The following UROS variants were observed in gnomAD, a reference collection of about 807,000 sequenced individuals.
The protein encoded by UROS is uroporphyrinogen-III synthase.
Under a neutral mutation model 33.0 loss-of-function variants are expected in UROS, and 18 were observed. The observed-to-expected ratio is 0.55, with a 90% CI of 0.38 to 0.81. The LOEUF (loss-of-function observed/expected upper bound fraction) is 0.81, where lower values mean the gene tolerates loss of function less well. UROS is among the 30% of genes least tolerant of loss of function. UROS has a pLI of 0.00. For synonymous variants in UROS, 114 were observed against 121.1 expected, an observed-to-expected ratio of 0.94 and a Z score of 0.38; for missense variants, 293 against 314.9, an observed-to-expected ratio of 0.93 and a Z score of 0.53.
chr10:125,802,411 C>A (rs541806863), intron 6 of UROS: 4 of 985,694 alleles, frequency 4.1e-6, no homozygotes, highest in Middle Eastern at 5.2e-4. Context: ...AAGAAAATGA[C>A]CCCCAGCAAT....
Position 125,807,394 on chromosome 10 carries a change from G to A in UROS, c.394+19C>T. 1 of 1,608,852 alleles carries A rather than the reference G, an allele frequency of 6.2e-7. No individual in the cohort carries two copies. Among genetic ancestry groups the A allele is most frequent in the South Asian group, 1.1e-5 (1 of 90,992 alleles). ...CAAAAAATAAATGGCTTCATTTGGA[G>A]TGATGTTTTTCTACTTACTGGAACA... On this transcript the variant is annotated intron_variant, in intron 6 of 9. Transcript: ENST00000368797.
chr10:125,807,594 CAT>C, intron 5 of UROS, 107 bp from the exon 6 acceptor site: 3 of 841,950 alleles, frequency 3.6e-6, no homozygotes, highest in Non-Finnish European at 6.0e-6. Context: ...TTACAAATCA[CAT>C]AGAGGATGTC....
chr10:125,807,902 G>A (rs1039148263), intron 5 of UROS, among the ~76,000 whole-genome samples: 12 of 152,144 alleles, frequency 7.9e-5, no homozygotes, highest in African/African-American at 1.7e-4. Context: ...TGCAGGAATC[G>A]GCATTACAGA....
intron 4 of UROS, among the ~76,000 whole-genome samples, chr10:125,814,692 G>A (rs1160090697): frequency 3.9e-5 from 6 of 152,200 alleles, no homozygotes; most frequent in Non-Finnish European, 5.9e-5. Flanking sequence ...CTAAGTGCCT[G>A]ACATGGTGGC....
intron 1 of UROS, among the ~76,000 whole-genome samples, chr10:125,818,517 A>C (rs1853562360): frequency 6.6e-6 from 1 of 151,348 alleles, no homozygotes; most frequent in South Asian, 2.1e-4. Flanking sequence ...TAATAATAAT[A>C]TAAAATTAAA....
chr10:125,816,150 A>G (rs528277170), intron 3 of UROS, 27 bp downstream of exon 3: 3 of 1,600,036 alleles, frequency 1.9e-6, no homozygotes, highest in East Asian at 2.2e-5. Flanking sequence ...AAACACTAAC[A>G]TGGTGCTCAG....
chr10:125,798,078 C>T lies in UROS; in HGVS notation c.462G>A (p.Ala154=), dbSNP rs149067145. 9.5e-5 allele frequency: 154 copies of T among 1,613,998 alleles called. 3 individuals are homozygous for T. In the South Asian group the frequency reaches 1.2e-3, roughly 12 times the overall value. Residue 154 remains alanine (A), a synonymous_variant, in exon 7 of 10, where the codon GCG becomes GCA. Coordinates refer to ENST00000368797, the MANE Select transcript of UROS (RefSeq NM_000375.3). ...GNLKREILPK[A]LKDKGIAMES... is the part of the protein sequence containing the mutation. ...CATTCTACTCGCCTTTGTCCTTGAG[C>T]GCTTTTGGCAGGATTTCTCTTTTGA...
intron 7 of UROS, among the ~76,000 whole-genome samples, chr10:125,797,366 T>G (rs1335271697): frequency 6.6e-6 from 1 of 152,220 alleles, no homozygotes; most frequent in Non-Finnish European, 1.5e-5. Context: ...GATAACCATA[T>G]TTCACAGATA....
chr10:125,817,905 A>G (rs1037090189), intron 1 of UROS, among the ~76,000 whole-genome samples: 14 of 152,372 alleles, frequency 9.2e-5, no homozygotes, highest in African/African-American at 3.4e-4. Context: ...GTATCACTGT[A>G]GTACAAAGTG....
chr10:125,798,969 A>C (rs1851590125), intron 6 of UROS, among the ~76,000 whole-genome samples: 1 of 152,176 alleles, frequency 6.6e-6, no homozygotes, highest in Non-Finnish European at 1.5e-5. Flanking sequence ...TACCCCCCAC[A>C]TCCATCCGTA....
intron 7 of UROS, chr10:125,796,699 C>T: frequency 7.2e-6 from 6 of 838,134 alleles, no homozygotes; most frequent in Non-Finnish European, 8.6e-6. Context: ...GTGGACTTTC[C>T]CACATTCCTC....
At chr10:125,797,354 C>T (rs1243357320) in intron 7 of UROS, among the ~76,000 whole-genome samples, 1 of 152,188 alleles carries the variant, frequency 6.6e-6, no homozygotes, top group Non-Finnish European at 1.5e-5. Context: ...TGGTTATGTA[C>T]AGATAACCAT....
At position 125,796,083 on chromosome 10, in the gene UROS, C is replaced by T. The variant is rs542218442; in HGVS notation, c.561+20G>A. Reference sequence around the variant, plus strand: ...ACCTGGGCACCCACCCTGCCAGAACCGCCCCCAAACGCCACGTACCTGCTG... The same window carrying T: ...ACCTGGGCACCCACCCTGCCAGAACTGCCCCCAAACGCCACGTACCTGCTG... On this transcript the variant is annotated intron_variant, in intron 8 of 9. Transcript: ENST00000368797. 16 of 1,613,456 alleles carry T rather than the reference C, an allele frequency of 9.9e-6. No homozygotes were observed. The East Asian group carries it at 1.3e-4, about 13-fold the overall frequency.
intron 9 of UROS, chr10:125,792,645 A>G (rs1029716765): frequency 6.6e-5 from 10 of 152,232 alleles, no homozygotes; most frequent in Non-Finnish European, 1.5e-4. Context: ...AAGTCAATGG[A>G]TAAGTAGCAA....
At chr10:125,815,162 T>C (rs377210364) in intron 3 of UROS, 32 bp from the exon 4 acceptor site, 5 of 1,609,760 alleles carry the variant, frequency 3.1e-6, no homozygotes, top group African/African-American at 1.3e-5. Flanking sequence ...AGACATTTTA[T>C]ACGATGGCTA....
In UROS at chr10:125,812,307, T is replaced by C. The variant is rs1401521617; in HGVS notation, c.245-19A>G. ...TCCCAGACTGTAAAACATGAAATGATATGTGAATTGCAAATACCAAAGTGG... is the reference window on the plus strand; with the variant it reads ...TCCCAGACTGTAAAACATGAAATGACATGTGAATTGCAAATACCAAAGTGG... On this transcript the variant is annotated intron_variant, in intron 4 of 9. Coordinates refer to ENST00000368797, the MANE Select transcript of UROS (RefSeq NM_000375.3). The C allele has an allele frequency of 3.7e-6, 6 of 1,611,794 alleles. No homozygotes were observed. Among genetic ancestry groups the C allele is most frequent in the Non-Finnish European group, 5.1e-6 (6 of 1,178,436 alleles).
chr10:125,789,478 G>T, intron 9 of UROS: 2 of 697,030 alleles, frequency 2.9e-6, no homozygotes, highest in Non-Finnish European at 3.7e-6. Flanking sequence ...CAGCTCCACA[G>T]GACAATGACC....
chr10:125,807,210 G>A, intron 6 of UROS: 1 of 602,686 alleles, frequency 1.7e-6, no homozygotes. Flanking sequence ...TGGTACAGGG[G>A]GTAGAAGGAA....
intron 9 of UROS, among the ~76,000 whole-genome samples, chr10:125,789,830 C>G (rs537429119): frequency 5.9e-4 from 90 of 152,194 alleles, no homozygotes; most frequent in Non-Finnish European, 1.1e-3. Flanking sequence ...AGTCCCTTAG[C>G]CTCTCTGATC....
Sources: gnomAD v4.1 joint callset for allele counts (sites outside exome capture counted in the v4.1 genomes callset) on GRCh38, gnomAD v4.1.1 for gene constraint, MANE v1.5 for transcripts, NCBI Gene and HGNC (gene_info 2026-07-23, HGNC 2026-07-21) for gene names.